RBFOX1: variants seen among roughly 807,000 people sequenced by gnomAD.
RBFOX1 encodes the protein RNA binding protein fox-1 homolog 1.
Under a neutral mutation model 57.7 loss-of-function variants are expected in RBFOX1, and 8 were observed. That is an observed-to-expected ratio of 0.14 (90% CI 0.08 to 0.25). RBFOX1 has a LOEUF of 0.25. Ranked by LOEUF, RBFOX1 falls within the 10% of genes least tolerant of loss-of-function variation. The pLI, the probability that RBFOX1 is intolerant of heterozygous loss-of-function variation, is 1.00. For missense variants in RBFOX1, 611 were observed against 548.5 expected, an observed-to-expected ratio of 1.11 and a Z score of -1.14; for synonymous variants, 326 against 222.4, an observed-to-expected ratio of 1.47 and a Z score of -4.15.
chr16:7,388,110 A>G (rs923823699), intron 4 of RBFOX1, among the ~76,000 whole-genome samples: 32 of 152,146 alleles, frequency 2.1e-4, no homozygotes, highest in African/African-American at 7.2e-4. Context: ...TCATATAAAC[A>G]TAATCAGTGT....
chr16:7,595,479 A>C (rs1032757294), intron 7 of RBFOX1, 70 bp from the exon 8 acceptor site: 1 of 1,216,492 alleles, frequency 8.2e-7, no homozygotes, highest in East Asian at 2.6e-5. Context: ...AAGCGAGAGA[A>C]CATTACCAAG....
At chr16:6,406,407 A>T (rs892557515) in intron 2 of RBFOX1, among the ~76,000 whole-genome samples, 3 of 152,158 alleles carry the variant, frequency 2.0e-5, no homozygotes, top group Non-Finnish European at 4.4e-5. Context: ...AAGAACATAA[A>T]ACTTAGACAA....
At chr16:5,336,253 A>G (rs924623670) in intron 1 of RBFOX1, among the ~76,000 whole-genome samples, 5 of 152,156 alleles carry the variant, frequency 3.3e-5, no homozygotes, top group African/African-American at 1.2e-4. Flanking sequence ...AAACGGGCAC[A>G]TATTAGGGAG....
intron 1 of RBFOX1, among the ~76,000 whole-genome samples, chr16:6,110,367 C>T (rs959802651): frequency 1.3e-5 from 2 of 151,788 alleles, no homozygotes; most frequent in African/African-American, 4.8e-5. Context: ...TAGGTAGGCA[C>T]TGAAAAAATT....
rs546815023 is a variant in RBFOX1 at position 6,475,403 on chromosome 16, C to T, written c.-64+158346C>T. On this transcript the variant is annotated intron_variant, in intron 2 of 15. Transcript: ENST00000550418. ...TTTCTTGCTTAAAGGAAGTCTGCTACGCTTCAGGAATGAGGGTCATTCACC... is the reference window on the plus strand; with the variant it reads ...TTTCTTGCTTAAAGGAAGTCTGCTATGCTTCAGGAATGAGGGTCATTCACC... Among the ~76,000 whole-genome samples, 179 of 152,276 alleles carry T rather than the reference C, an allele frequency of 1.2e-3. 1 individual carries two copies. Among genetic ancestry groups the T allele is most frequent in the Non-Finnish European group, 1.7e-3 (116 of 68,016 alleles).
intron 2 of RBFOX1, among the ~76,000 whole-genome samples, chr16:6,502,710 C>T (rs145066736): frequency 5.5e-4 from 84 of 152,214 alleles, no homozygotes; most frequent in Non-Finnish European, 1.1e-3. Flanking sequence ...CCATTACCAC[C>T]GGACCCCTAT....
rs542764951 is a variant in RBFOX1 at position 5,288,244 on chromosome 16, A to C, written c.219+48139A>C. ...GGGGTCAGAATTGTTGAATATATAT[A>C]TAGTCTTTTACATGCTGATAATTAT... On this transcript the variant is annotated intron_variant, in intron 1 of 2. Coordinates refer to the RBFOX1 transcript ENST00000585867. Among the ~76,000 whole-genome samples, 13 of 152,340 alleles carry C rather than the reference A, an allele frequency of 8.5e-5. No homozygotes were observed. The East Asian group carries it at 2.5e-3, about 29-fold the overall frequency.
chr16:7,502,268 A>G (rs192244376), intron 4 of RBFOX1, among the ~76,000 whole-genome samples: 13 of 151,914 alleles, frequency 8.6e-5, no homozygotes, highest in African/African-American at 2.2e-4. Context: ...CCTGATTACT[A>G]TGTGCGGAAG....
Position 6,818,024 on chromosome 16 carries a change from T to A in RBFOX1, c.-16+163374T>A, listed in dbSNP as rs186674315. Among the ~76,000 whole-genome samples, 5 of 152,234 alleles carry A rather than the reference T, an allele frequency of 3.3e-5. No homozygotes were observed. In the East Asian group the frequency reaches 9.7e-4, roughly 30 times the overall value. ...ATGAGCATGGGTTAGTGGCTAAACT[T>A]TTTGTGTCTGCTCTCCTATATCTCA... On this transcript the variant is annotated intron_variant, in intron 3 of 15. Transcript: ENST00000550418.
chr16:7,166,326 C>G (rs1002607069), intron 4 of RBFOX1, among the ~76,000 whole-genome samples: 1 of 152,070 alleles, frequency 6.6e-6, no homozygotes, highest in African/African-American at 2.4e-5. Context: ...AGTGGGTAGT[C>G]TTTATTCAAG....
At chr16:5,628,910 T>C (rs1315566927) in intron 3 of RBFOX1, among the ~76,000 whole-genome samples, 1 of 152,194 alleles carries the variant, frequency 6.6e-6, no homozygotes, top group African/African-American at 2.4e-5. Context: ...CTAAGTCAGA[T>C]CATGTACCAG....
chr16:5,802,651 C>A (rs2055098226), intron 3 of RBFOX1, among the ~76,000 whole-genome samples: 1 of 152,162 alleles, frequency 6.6e-6, no homozygotes, highest in Non-Finnish European at 1.5e-5. Context: ...CTAGACCCTG[C>A]AGATTTCTTC....
intron 3 of RBFOX1, among the ~76,000 whole-genome samples, chr16:5,620,313 G>T (rs142199503): frequency 6.6e-6 from 1 of 152,008 alleles, no homozygotes; most frequent in East Asian, 1.9e-4. Flanking sequence ...CCACATTGCC[G>T]CATCTCTACA....
intron 4 of RBFOX1, among the ~76,000 whole-genome samples, chr16:5,989,550 C>T (rs917989934): frequency 2.0e-5 from 3 of 152,060 alleles, no homozygotes; most frequent in Non-Finnish European, 1.5e-5. Context: ...AGACTCTGGG[C>T]TGTGGATTCA....
At chr16:7,189,656 A>T (rs934521421) in intron 4 of RBFOX1, among the ~76,000 whole-genome samples, 6 of 151,762 alleles carry the variant, frequency 4.0e-5, no homozygotes, top group African/African-American at 1.5e-4. Context: ...TTTTCCCTTC[A>T]TTTGTAAACT....
intron 2 of RBFOX1, among the ~76,000 whole-genome samples, chr16:6,361,645 AT>A (rs1351411969): frequency 2.1e-4 from 32 of 151,626 alleles, no homozygotes; most frequent in African/African-American, 5.3e-4. Flanking sequence ...AAAAAAAAAA[AT>A]CATGGTCAAT....
chr16:6,846,118 T>C (rs182151721), intron 3 of RBFOX1, among the ~76,000 whole-genome samples: 4 of 152,340 alleles, frequency 2.6e-5, no homozygotes, highest in Non-Finnish European at 5.9e-5. Context: ...GTCTTTGTTT[T>C]TCATTCGTAT....
intron 3 of RBFOX1, among the ~76,000 whole-genome samples, chr16:6,844,898 C>G (rs1227745373): frequency 1.3e-5 from 2 of 152,130 alleles, no homozygotes; most frequent in East Asian, 1.9e-4. Flanking sequence ...GAGATGGTAT[C>G]TCATTGTGGT....
chr16:7,151,444 T>G (rs2127064), intron 4 of RBFOX1, among the ~76,000 whole-genome samples: 49,397 of 152,008 alleles, frequency 0.32, 9,834 homozygotes, highest in South Asian at 0.46. Flanking sequence ...TCTTTACTTG[T>G]TCGTCATCCT....
Sources: allele counts gnomAD v4.1 joint callset (sites outside exome capture counted in the v4.1 genomes callset), GRCh38; gene constraint gnomAD v4.1.1; transcripts MANE v1.5; gene names NCBI Gene and HGNC (gene_info 2026-07-23, HGNC 2026-07-21).